COL27A1: variants seen among roughly 807,000 people sequenced by gnomAD.
The protein encoded by COL27A1 is collagen type XXVII alpha 1 chain, also known as collagen alpha-1(XXVII) chain.
Under a neutral mutation model 251.3 loss-of-function variants are expected in COL27A1, and 106 were observed. That is an observed-to-expected ratio of 0.42 (90% CI 0.36 to 0.50). COL27A1 has a LOEUF of 0.50. COL27A1 is among the 20% of genes least tolerant of loss of function. COL27A1 has a pLI of 0.00. For synonymous variants in COL27A1, 1,000 were observed against 986.3 expected, an observed-to-expected ratio of 1.01 and a Z score of -0.26; for missense variants, 2,325 against 2,522.8, an observed-to-expected ratio of 0.92 and a Z score of 1.68.
At chr9:114,157,195 G>A (rs999623883) in intron 1 of COL27A1, among the ~76,000 whole-genome samples, 3 of 152,322 alleles carry the variant, frequency 2.0e-5, no homozygotes, top group East Asian at 1.9e-4. Context: ...GGGCAGAAAA[G>A]TGGTGCCAGG....
chr9:114,296,313 A>C (rs1287757848), intron 49 of COL27A1, among the ~76,000 whole-genome samples: 2 of 152,256 alleles, frequency 1.3e-5, no homozygotes, highest in Non-Finnish European at 2.9e-5. Context: ...TATCTGATTA[A>C]GGATTTGTAT....
At chr9:114,229,798 G>T (rs985779960) in intron 14 of COL27A1, among the ~76,000 whole-genome samples, 1 of 152,180 alleles carries the variant, frequency 6.6e-6, no homozygotes, top group Non-Finnish European at 1.5e-5. Context: ...GGGAGAAAGC[G>T]TAGGCTGGTT....
chr9:114,280,152 T>C (rs1157070719), intron 37 of COL27A1, among the ~76,000 whole-genome samples: 1 of 152,218 alleles, frequency 6.6e-6, no homozygotes, highest in African/African-American at 2.4e-5. Flanking sequence ...TAGGTTCATA[T>C]ACCCAAGTTA....
At chr9:114,201,694 G>C (rs1829591856) in intron 7 of COL27A1, among the ~76,000 whole-genome samples, 1 of 152,170 alleles carries the variant, frequency 6.6e-6, no homozygotes, top group African/African-American at 2.4e-5. Flanking sequence ...CAGTGAGAAA[G>C]GAGATTGTCA....
intron 8 of COL27A1, 102 bp downstream of exon 8, chr9:114,205,248 A>G: frequency 8.9e-7 from 1 of 1,120,760 alleles, no homozygotes; most frequent in South Asian, 1.4e-5. Flanking sequence ...AGCCAGCCCC[A>G]GAGCCAGGCT....
At chr9:114,300,584 T>C in intron 50 of COL27A1, 41 bp from the exon 51 acceptor site, 1 of 1,500,684 alleles carries the variant, frequency 6.7e-7, no homozygotes, top group Non-Finnish European at 8.9e-7. Flanking sequence ...CTTTACCCAG[T>C]GGCTGCCAAG....
At chr9:114,253,867 T>C (rs921277753) in intron 27 of COL27A1, among the ~76,000 whole-genome samples, 2 of 152,206 alleles carry the variant, frequency 1.3e-5, no homozygotes, top group Non-Finnish European at 2.9e-5. Context: ...TACTGAGCGA[T>C]AAGTGCTTGT....
intron 3 of COL27A1, 129 bp downstream of exon 3, chr9:114,169,592 C>A (rs1405496309): frequency 1.5e-6 from 1 of 675,486 alleles, no homozygotes; most frequent in Non-Finnish European, 2.3e-6. Flanking sequence ...ATGGGTACAT[C>A]CTTGGCTCCA....
intron 27 of COL27A1, among the ~76,000 whole-genome samples, chr9:114,256,547 C>T (rs1833933540): frequency 6.6e-6 from 1 of 152,018 alleles, no homozygotes; most frequent in Non-Finnish European, 1.5e-5. Context: ...GCCCTGGGAC[C>T]TGCCTAGGGT....
At chr9:114,308,649 C>A (rs1240061779) in intron 59 of COL27A1, among the ~76,000 whole-genome samples, 3 of 152,232 alleles carry the variant, frequency 2.0e-5, no homozygotes, top group Non-Finnish European at 4.4e-5. Context: ...GATCACGCAG[C>A]AAACCTGCCT....
intron 36 of COL27A1, among the ~76,000 whole-genome samples, chr9:114,274,790 A>G (rs998367507): frequency 2.0e-5 from 3 of 152,134 alleles, no homozygotes; most frequent in African/African-American, 7.2e-5. Flanking sequence ...AGCCTGGTAC[A>G]TACCATCCAA....
Position 114,265,418 on chromosome 9 carries a change from G to T in COL27A1, c.3340-4G>T. 6.2e-7 allele frequency: 1 copy of T among 1,613,656 alleles called. No individual in the cohort carries two copies. Among genetic ancestry groups the T allele is most frequent in the Non-Finnish European group, 8.5e-7 (1 of 1,179,844 alleles). On this transcript the variant is annotated splice_region_variant and splice_polypyrimidine_tract_variant and intron_variant, in intron 31 of 60. Transcript: ENST00000356083. ...CTAAGGTCACCTTTACCTTGTCTCT[G>T]CAGGGCATCCCGGGTCCCTCAGGCC... is the stretch of plus-strand genomic sequence containing the variant.
intron 9 of COL27A1, 55 bp downstream of exon 9, chr9:114,205,867 C>A: frequency 6.6e-7 from 1 of 1,520,072 alleles, no homozygotes; most frequent in Non-Finnish European, 9.0e-7. Flanking sequence ...AAGATGGCCA[C>A]AGGTGCCCCG....
intron 49 of COL27A1, among the ~76,000 whole-genome samples, chr9:114,299,616 T>A (rs1382280091): frequency 1.3e-5 from 2 of 152,346 alleles, no homozygotes; most frequent in African/African-American, 2.4e-5. Context: ...ATATGGTGTG[T>A]CCCTGGGTTG....
At chr9:114,241,283 G>A (rs766705373) in intron 21 of COL27A1, among the ~76,000 whole-genome samples, 5 of 152,270 alleles carry the variant, frequency 3.3e-5, no homozygotes, top group Non-Finnish European at 5.9e-5. Context: ...CTGAGGGTGC[G>A]GGAAGCCCAG....
chr9:114,169,609 C>A, intron 3 of COL27A1, 146 bp downstream of exon 3: 1 of 573,188 alleles, frequency 1.7e-6, no homozygotes, highest in Non-Finnish European at 2.9e-6. Context: ...TCCAGCCAGG[C>A]CCCCGGCTCC....
At chr9:114,216,443 C>A (rs1479644356) in intron 12 of COL27A1, among the ~76,000 whole-genome samples, 4 of 152,220 alleles carry the variant, frequency 2.6e-5, no homozygotes, top group African/African-American at 4.8e-5. Flanking sequence ...GGGGGCTATA[C>A]ATTCCAGCTC....
intron 10 of COL27A1, among the ~76,000 whole-genome samples, chr9:114,209,035 AAG>A (rs1201680050): frequency 6.6e-6 from 1 of 152,148 alleles, no homozygotes; most frequent in African/African-American, 2.4e-5. Flanking sequence ...GGAATTCCCG[AAG>A]AGAATTCACA....
chr9:114,304,851 G>A (rs750836142), intron 57 of COL27A1, among the ~76,000 whole-genome samples, 178 bp downstream of exon 57: 11 of 152,182 alleles, frequency 7.2e-5, no homozygotes, highest in Non-Finnish European at 1.5e-4. Flanking sequence ...AATGGGCAGT[G>A]AGTCCAAGGT....
Sources: allele counts gnomAD v4.1 joint callset (sites outside exome capture counted in the v4.1 genomes callset), GRCh38; gene constraint gnomAD v4.1.1; transcripts MANE v1.5; gene names NCBI Gene and HGNC (gene_info 2026-07-23, HGNC 2026-07-21).